Variants in RYR2 observed in about 807,000 individuals in gnomAD.
RYR2 encodes the protein cardiac muscle ryanodine receptor-calcium release channel.
A neutral mutation model predicts 601.1 loss-of-function variants in RYR2; 227 were observed. That is an observed-to-expected ratio of 0.38 (90% CI 0.34 to 0.42). The LOEUF is 0.42. Among genes scored for constraint, RYR2 ranks in the 10% least tolerant of loss-of-function variants. The pLI is 1.00. For synonymous variants in RYR2, 2,223 were observed against 2,175.1 expected, an observed-to-expected ratio of 1.02 and a Z score of -0.61; for missense variants, 4,646 against 6,156.5, an observed-to-expected ratio of 0.75 and a Z score of 8.21.
intron 35 of RYR2, among the ~76,000 whole-genome samples, chr1:237,606,172 A>T (rs558819409): frequency 6.6e-6 from 1 of 152,176 alleles, no homozygotes; most frequent in East Asian, 1.9e-4. Flanking sequence ...AAACTATACT[A>T]CAAGGCTACA....
chr1:237,063,848 C>T (rs16834779), intron 1 of RYR2, among the ~76,000 whole-genome samples: 3,959 of 152,184 alleles, frequency 0.026, 165 homozygotes, highest in African/African-American at 0.089. Context: ...TCCTTGTTTG[C>T]GTATGGAATT....
At chr1:237,352,023 C>A (rs1050352657) in intron 3 of RYR2, among the ~76,000 whole-genome samples, 1 of 150,626 alleles carries the variant, frequency 6.6e-6, no homozygotes, top group Non-Finnish European at 1.5e-5. Context: ...TTGTCACTTA[C>A]CTTATTAAGA....
chr1:237,664,494 A>T (rs1684109281), intron 56 of RYR2, among the ~76,000 whole-genome samples: 1 of 152,230 alleles, frequency 6.6e-6, no homozygotes, highest in Non-Finnish European at 1.5e-5. Flanking sequence ...GGAAGGTAAC[A>T]GGCACATCTC....
At chr1:237,464,981 A>T (rs922161107) in intron 16 of RYR2, among the ~76,000 whole-genome samples, 3 of 152,122 alleles carry the variant, frequency 2.0e-5, no homozygotes, top group Non-Finnish European at 4.4e-5. Flanking sequence ...TTAGAAACTC[A>T]CATAACTGAT....
chr1:237,174,009 ATCT>A (rs1677726871), intron 1 of RYR2, among the ~76,000 whole-genome samples: 1 of 152,172 alleles, frequency 6.6e-6, no homozygotes, highest in African/African-American at 2.4e-5. Flanking sequence ...GTGAGCCGAG[ATCT>A]TGCCACTGCA....
chr1:237,233,764 C>T (rs1685245123), intron 1 of RYR2, among the ~76,000 whole-genome samples: 1 of 152,156 alleles, frequency 6.6e-6, no homozygotes, highest in Non-Finnish European at 1.5e-5. Flanking sequence ...AAGGGATTCT[C>T]CTGCCTCAGC....
At chr1:237,129,059 T>A (rs1431767091) in intron 1 of RYR2, among the ~76,000 whole-genome samples, 1 of 152,176 alleles carries the variant, frequency 6.6e-6, no homozygotes, top group Admixed American at 6.5e-5. Flanking sequence ...ATTTTAGACA[T>A]TCAAGGGCAA....
At chr1:237,800,162 TTAAAA>T (rs1340487785) in intron 97 of RYR2, 5 of 152,168 alleles carry the variant, frequency 3.3e-5, no homozygotes, top group African/African-American at 9.7e-5. Context: ...AGAATAACTT[TTAAAA>T]TAAAATAAAT....
chr1:237,424,339 C>T (rs991841011), intron 12 of RYR2, among the ~76,000 whole-genome samples: 15 of 152,262 alleles, frequency 9.9e-5, no homozygotes, highest in South Asian at 4.1e-4. Flanking sequence ...TTACTACATA[C>T]TCATCTAGGT....
intron 10 of RYR2, among the ~76,000 whole-genome samples, chr1:237,416,779 G>GAC (rs918820931): frequency 1.3e-5 from 2 of 151,684 alleles, no homozygotes; most frequent in Non-Finnish European, 2.9e-5. Flanking sequence ...GAGAGAGAGA[G>GAC]AGAGAATGAA....
chr1:237,383,695 C>T (rs1253126498), intron 8 of RYR2, among the ~76,000 whole-genome samples: 1 of 152,156 alleles, frequency 6.6e-6, no homozygotes, highest in East Asian at 1.9e-4. Flanking sequence ...TCCCAAAGTG[C>T]TGGGATTACA....
At position 237,492,989 on chromosome 1, in the gene RYR2, C is replaced by T. The variant is rs17686573; in HGVS notation, c.1863C>T (p.His621=). The T allele has an allele frequency of 6.8e-3, 10,943 of 1,606,154 alleles. 49 individuals are homozygous for T. Among genetic ancestry groups the T allele is most frequent in the Middle Eastern group, 0.015 (89 of 6,060 alleles). Reference sequence around the variant, plus strand: ...TCTTGTGCTCACTCTGTGTTTGCCACGGGGTTGCAGTCCGTTCTAACCAGC... The same window carrying T: ...TCTTGTGCTCACTCTGTGTTTGCCATGGGGTTGCAGTCCGTTCTAACCAGC... ...LDVLCSLCVC[H]GVAVRSNQHL... is the part of the protein sequence containing the mutation. The change falls in exon 19 of 105, where the codon CAC becomes CAT. Residue 621 remains histidine, a synonymous_variant. Coordinates refer to ENST00000366574, the MANE Select transcript of RYR2 (RefSeq NM_001035.3).
At chr1:237,478,616 T>C (rs1052197768) in intron 17 of RYR2, among the ~76,000 whole-genome samples, 4 of 152,210 alleles carry the variant, frequency 2.6e-5, no homozygotes, top group Non-Finnish European at 4.4e-5. Context: ...AGTTTTACTA[T>C]GTTTTGGATA....
At chr1:237,561,792 C>T (rs1011355674) in intron 27 of RYR2, among the ~76,000 whole-genome samples, 13 of 152,082 alleles carry the variant, frequency 8.5e-5, no homozygotes, top group Admixed American at 2.6e-4. Flanking sequence ...AATATAACTA[C>T]GGCAACAGTG....
At chr1:237,412,038 G>A (rs1190611738) in intron 10 of RYR2, among the ~76,000 whole-genome samples, 2 of 151,998 alleles carry the variant, frequency 1.3e-5, no homozygotes, top group African/African-American at 4.8e-5. Context: ...TGAAGAACTC[G>A]TAAGGATTTG....
chr1:237,574,189 A>G (rs1006539167), intron 29 of RYR2, among the ~76,000 whole-genome samples: 1 of 152,210 alleles, frequency 6.6e-6, no homozygotes, highest in Admixed American at 6.5e-5. Context: ...CATCACTTTT[A>G]AAAGACCCCT....
chr1:237,283,128 T>G (rs907967635), intron 2 of RYR2, among the ~76,000 whole-genome samples: 1 of 152,214 alleles, frequency 6.6e-6, no homozygotes, highest in Non-Finnish European at 1.5e-5. Context: ...TTGCGCGTTC[T>G]TCACCTGAAG....
In RYR2 at chr1:237,500,643, T is replaced by C. The variant is rs1216076838; in HGVS notation, c.2204-68T>C. 3.6e-6 allele frequency: 5 copies of C among 1,373,080 alleles called. No individual in the cohort carries two copies. The African/African-American group carries it at 4.3e-5, about 12-fold the overall frequency. The allele number at this position is 1,373,080 out of a possible 1,614,324, so 85.1% of individuals were successfully genotyped here. A position where few individuals can be genotyped will look rare whatever the true frequency, so the allele number is the denominator to read the frequency against. On this transcript the variant is annotated intron_variant, in intron 20 of 104. Transcript: ENST00000366574. Reference sequence around the variant, plus strand: ...CACTACTTATTCAAATCTTTTGACTTTGGCTCTGAAGCTGATTCTCTGAGA... The same window carrying C: ...CACTACTTATTCAAATCTTTTGACTCTGGCTCTGAAGCTGATTCTCTGAGA...
chr1:237,053,560 A>G lies in RYR2; in HGVS notation c.48+10991A>G, dbSNP rs532265010. On this transcript the variant is annotated intron_variant, in intron 1 of 104. Coordinates refer to ENST00000366574, the MANE Select transcript of RYR2 (RefSeq NM_001035.3). ...GAGGATACGGAAACTGGTGAAGGAT[A>G]AGAGACAATTGTGATTTCACCTCTT... Among the ~76,000 whole-genome samples the G allele has an allele frequency of 7.2e-5, 11 of 152,312 alleles. No homozygotes were observed. The South Asian group carries it at 2.1e-3, about 29-fold the overall frequency.
Sources: allele counts gnomAD v4.1 joint callset (sites outside exome capture counted in the v4.1 genomes callset), GRCh38; gene constraint gnomAD v4.1.1; transcripts MANE v1.5; gene names NCBI Gene and HGNC (gene_info 2026-07-23, HGNC 2026-07-21).